The following DIP2A variants were observed in gnomAD, a reference collection of about 807,000 sequenced individuals.
The protein encoded by DIP2A is disco-interacting protein 2 homolog A.
In DIP2A, 85 loss-of-function variants were observed where a neutral mutation model predicts 177.4. The observed-to-expected ratio is 0.48, with a 90% CI of 0.40 to 0.57. DIP2A has a LOEUF of 0.57. Among genes scored for constraint, DIP2A ranks in the 20% least tolerant of loss-of-function variants. The pLI, the probability that DIP2A is intolerant of heterozygous loss-of-function variation, is 0.00. For synonymous variants in DIP2A, 886 were observed against 881.8 expected, an observed-to-expected ratio of 1.00 and a Z score of -0.08; for missense variants, 1,791 against 2,100.2, an observed-to-expected ratio of 0.85 and a Z score of 2.88.
rs1447416369 is a variant in DIP2A at position 46,541,912 on chromosome 21, G to C, written c.2176+17G>C. The C allele has an allele frequency of 5.6e-6, 9 of 1,613,808 alleles. No individual in the cohort carries two copies. Among genetic ancestry groups the C allele is most frequent in the Admixed American group, 1.7e-5 (1 of 60,002 alleles). ...TGCCTGGAGGTAAGAGACATAACCA[G>C]AGTGGGTCTTTGTCCATGACTGATT... On this transcript the variant is annotated intron_variant, in intron 18 of 37. Transcript: ENST00000417564.
chr21:46,477,753 G>GT (rs199904128), intron 1 of DIP2A, among the ~76,000 whole-genome samples: 3,275 of 138,818 alleles, frequency 0.024, 80 homozygotes, highest in African/African-American at 0.066. Context: ...TTTTTGTTTT[G>GT]TTTTTTTTTT....
rs141072235 is a variant in DIP2A, at chr21:46,532,560, A to G, written c.1305+323A>G. Among the ~76,000 whole-genome samples the G allele has an allele frequency of 2.6e-5, 4 of 152,358 alleles. No individual in the cohort carries two copies. In the East Asian group the frequency reaches 5.8e-4, roughly 22 times the overall value. On this transcript the variant is annotated intron_variant, in intron 10 of 37. Transcript: ENST00000417564. ...GCCATTTTTTCCTCTAATGAATAGA[A>G]TTATGATTCAATAAGATTTTGTTCA...
At chr21:46,578,000 G>T in the DIP2A span, among the ~76,000 whole-genome samples, 1 of 152,182 alleles carries the variant, frequency 6.6e-6, no homozygotes, top group African/African-American at 2.4e-5. Flanking sequence ...AGACTTTGCT[G>T]AAGTTGCTTA....
In DIP2A at chr21:46,477,542, T is replaced by TG. The variant is rs1427520943; in HGVS notation, c.92-7215_92-7214insG. On this transcript the variant is annotated intron_variant, in intron 1 of 37. Coordinates refer to ENST00000417564, the MANE Select transcript of DIP2A (RefSeq NM_015151.4). ...ACTCCGCCTAAAATAAAAAAAAAGA[T>TG]TTGTGTGTGTGTGTGTGTGTGTGTG... 8.9e-3 allele frequency among the ~76,000 whole-genome samples: 743 copies of TG among 83,120 alleles called. 7 individuals carry two copies. The highest frequency in any genetic ancestry group is 0.034 in the Middle Eastern group (6 of 174). 54.5% of individuals were successfully genotyped at this position (83,120 alleles called of 152,430 possible). A position where few individuals can be genotyped will look rare whatever the true frequency, so the allele number is the denominator to read the frequency against.
In DIP2A at chr21:46,503,313, G is replaced by A. The variant is rs9974902; in HGVS notation, c.656-1048G>A. Among the ~76,000 whole-genome samples the A allele has an allele frequency of 6.4e-3, 887 of 137,786 alleles. 8 individuals carry two copies. Among genetic ancestry groups the A allele is most frequent in the African/African-American group, 0.022 (838 of 37,306 alleles). The allele number at this position is 137,786 out of a possible 152,430, so 90.4% of individuals were successfully genotyped here. A position where few individuals can be genotyped will look rare whatever the true frequency, so the allele number is the denominator to read the frequency against. ...ACTCCAGTCTGGGCAGTGATAAAGT[G>A]AGACTCCATCTCAAAAAAAAAAAAA... On this transcript the variant is annotated intron_variant, in intron 5 of 37. Coordinates refer to ENST00000417564, the MANE Select transcript of DIP2A (RefSeq NM_015151.4).
chr21:46,549,008 CAG>C (rs2060167085), intron 21 of DIP2A, among the ~76,000 whole-genome samples: 1 of 152,198 alleles, frequency 6.6e-6, no homozygotes, highest in Non-Finnish European at 1.5e-5. Flanking sequence ...TTTTAACACA[CAG>C]AGGTCCGTAC....
At chr21:46,510,351 A>G (rs1000838683) in intron 7 of DIP2A, among the ~76,000 whole-genome samples, 1 of 152,078 alleles carries the variant, frequency 6.6e-6, no homozygotes, top group Non-Finnish European at 1.5e-5. Flanking sequence ...TTCCCAGTCC[A>G]CTGACTCAAA....
chr21:46,511,329 A>C (rs982192839), intron 7 of DIP2A, 88 bp from the exon 8 acceptor site: 2 of 1,328,018 alleles, frequency 1.5e-6, no homozygotes, highest in Admixed American at 5.5e-5. Flanking sequence ...GGATTAAAAA[A>C]CAATATTATA....
chr21:46,556,925 A>G lies in DIP2A; in HGVS notation c.3499-14A>G. 2 of 1,506,294 alleles carry G rather than the reference A, an allele frequency of 1.3e-6. No homozygotes were observed. Among genetic ancestry groups the G allele is most frequent in the East Asian group, 2.4e-5 (1 of 41,242 alleles). 93.3% of individuals were successfully genotyped at this position (1,506,294 alleles called of 1,614,324 possible). ...ATTTCACTTTTTTTTTTTGAACTTTATTTTACTCTTAAGATGTCGCACGCG... is the reference window on the plus strand; with the variant it reads ...ATTTCACTTTTTTTTTTTGAACTTTGTTTTACTCTTAAGATGTCGCACGCG... On this transcript the variant is annotated splice_polypyrimidine_tract_variant and intron_variant, in intron 29 of 37. Transcript: ENST00000417564. This position sits in a 1 kb window ranked among gnomAD's most constrained non-coding sequence, Gnocchi z 4.5.
rs767678653 is a variant in DIP2A at position 46,554,865 on chromosome 21, G to A, written c.3320G>A (p.Arg1107Gln). Residue 1107 changes from arginine to glutamine, a missense_variant, in exon 28 of 38, where the codon CGG becomes CAG. Transcript: ENST00000417564. ...GTCCTCACCACGCAGGCTGTCACAC[G>A]GCTGCTCAGGTCCAAGGAGGCTGCT... Reference protein sequence around the residue: ...ACVLTTQAVTRLLRSKEAAAA... With the variant: ...ACVLTTQAVTQLLRSKEAAAA... The A allele has an allele frequency of 4.0e-6, 6 of 1,513,862 alleles. No individual in the cohort carries two copies. The highest frequency in any genetic ancestry group is 2.6e-5 in the East Asian group (1 of 38,382). The allele number at this position is 1,513,862 out of a possible 1,614,324, so 93.8% of individuals were successfully genotyped here.
At position 46,526,434 on chromosome 21, in the gene DIP2A, G is replaced by A. The variant is rs142759952; in HGVS notation, c.1103-2658G>A. ...TTTTGAGACAGAGTTTCGCTTTGTT[G>A]TCCAGGCTGGAGTGCAGTGGCACGA... On this transcript the variant is annotated intron_variant, in intron 8 of 37. Coordinates refer to ENST00000417564, the MANE Select transcript of DIP2A (RefSeq NM_015151.4). 6.5e-4 allele frequency among the ~76,000 whole-genome samples: 90 copies of A among 137,626 alleles called. 3 individuals carry two copies. The East Asian group carries it at 0.016, about 25-fold the overall frequency. The allele number at this position is 137,626 out of a possible 152,430, so 90.3% of individuals were successfully genotyped here.
chr21:46,546,784 G>A (rs2060064864), intron 20 of DIP2A, 131 bp from the exon 21 acceptor site: 2 of 993,160 alleles, frequency 2.0e-6, no homozygotes, highest in African/African-American at 1.6e-5. Context: ...GGTCTGTGGG[G>A]CATTGACCCG....
chr21:46,458,955 C>CTCGTGCCCGCGCGGGTGCGTTGCTG lies in DIP2A; in HGVS notation c.-174_-150dup, dbSNP rs1018692533. 15 of 397,870 alleles carry CTCGTGCCCGCGCGGGTGCGTTGCTG rather than the reference C, an allele frequency of 3.8e-5. No individual in the cohort carries two copies. The highest frequency in any genetic ancestry group is 3.1e-4 in the South Asian group (3 of 9,582). 24.6% of individuals were successfully genotyped at this position (397,870 alleles called of 1,614,324 possible). ...CGGCGGCGCGGCGGAGCCATCCGCGCTCGTGCCCGCGCGGGTGCGTTGCTG... is the reference window on the plus strand; with the variant it reads ...CGGCGGCGCGGCGGAGCCATCCGCGCTCGTGCCCGCGCGGGTGCGTTGCTGTCGTGCCCGCGCGGGTGCGTTGCTG... On this transcript the variant is annotated 5_prime_UTR_variant, in exon 1 of 38. Coordinates refer to ENST00000417564, the MANE Select transcript of DIP2A (RefSeq NM_015151.4).
At chr21:46,581,475 G>A in the DIP2A span, among the ~76,000 whole-genome samples, 640 of 152,294 alleles carry the variant, frequency 4.2e-3, 1 homozygote, top group Non-Finnish European at 6.4e-3. Context: ...CCTCTGTCCA[G>A]TTCTGTGCCC....
Position 46,541,756 on chromosome 21 carries a change from G to A in DIP2A, c.2037G>A (p.Arg679=). Reference sequence around the variant, plus strand: ...AACCCATGGTGGTTTTATTTTCTAGGCCACCTGATCTGGGAGGACCACCTC... The same window carrying A: ...AACCCATGGTGGTTTTATTTTCTAGACCACCTGATCTGGGAGGACCACCTC... ...SPEALTVAIR[R]PPDLGGPPPR... The change falls in exon 18 of 38, where the codon AGG becomes AGA. Residue 679 remains arginine, a splice_region_variant and synonymous_variant. Coordinates refer to ENST00000417564, the MANE Select transcript of DIP2A (RefSeq NM_015151.4). 6.2e-7 allele frequency: 1 copy of A among 1,613,826 alleles called. No homozygotes were observed. Among genetic ancestry groups the A allele is most frequent in the Non-Finnish European group, 8.5e-7 (1 of 1,179,842 alleles).
At chr21:46,552,905 CAG>C (rs1049355841) in intron 25 of DIP2A, 4 of 152,234 alleles carry the variant, frequency 2.6e-5, no homozygotes, top group Non-Finnish European at 5.9e-5. Context: ...GTGTGAACCT[CAG>C]TATCAATACA....
chr21:46,536,398 C>T (rs547832630), intron 13 of DIP2A, among the ~76,000 whole-genome samples: 7 of 152,298 alleles, frequency 4.6e-5, no homozygotes, highest in African/African-American at 1.7e-4. Context: ...AGCTGCATAC[C>T]TCTGGGTGAG....
intron 8 of DIP2A, among the ~76,000 whole-genome samples, chr21:46,522,840 CAA>C (rs2058884187): frequency 2.6e-5 from 4 of 152,138 alleles, no homozygotes. Context: ...CTGTTTCCCC[CAA>C]AGAGTCCCAG....
intron 3 of DIP2A, among the ~76,000 whole-genome samples, chr21:46,496,021 G>C (rs1054946008): frequency 3.3e-5 from 5 of 152,036 alleles, no homozygotes; most frequent in Middle Eastern, 3.4e-3. Flanking sequence ...GCAGTGAGCT[G>C]AGATCACGCC....
Sources: gnomAD v4.1 joint callset for allele counts (sites outside exome capture counted in the v4.1 genomes callset) on GRCh38, gnomAD v4.1.1 for gene constraint, Gnocchi (gnomAD v3.1) non-coding constraint, MANE v1.5 for transcripts, NCBI Gene and HGNC (gene_info 2026-07-23, HGNC 2026-07-21) for gene names.